ENTREP2: variants seen among roughly 807,000 people sequenced by gnomAD.
ENTREP2 encodes protein ENTREP2.
the ENTREP2 span, among the ~76,000 whole-genome samples, chr15:29,281,531 G>A: frequency 7.2e-5 from 11 of 152,192 alleles, no homozygotes; most frequent in Admixed American, 5.9e-4. Context: ...GCCTCAAGCA[G>A]GGGCAACTGT....
the ENTREP2 span, among the ~76,000 whole-genome samples, chr15:29,225,407 C>T: frequency 1.3e-5 from 2 of 152,200 alleles, no homozygotes; most frequent in African/African-American, 4.8e-5. Context: ...ATGATCCACC[C>T]GAGTCCATAT....
the ENTREP2 span, among the ~76,000 whole-genome samples, chr15:29,160,507 G>C: frequency 6.6e-6 from 1 of 151,962 alleles, no homozygotes; most frequent in Non-Finnish European, 1.5e-5. Context: ...TCAGGAGTTT[G>C]AAACCAGCCT....
chr15:29,357,277 G>A, the ENTREP2 span, among the ~76,000 whole-genome samples: 1 of 151,952 alleles, frequency 6.6e-6, no homozygotes, highest in Admixed American at 6.6e-5. Context: ...TCGAGGTAGG[G>A]AAGGATTTCT....
At chr15:29,349,089 G>A in the ENTREP2 span, among the ~76,000 whole-genome samples, 4 of 152,150 alleles carry the variant, frequency 2.6e-5, no homozygotes, top group East Asian at 5.8e-4. Context: ...CCTCTACGGC[G>A]GTGTCTTCTT....
chr15:29,527,603 T>C, the ENTREP2 span, among the ~76,000 whole-genome samples: 4 of 152,128 alleles, frequency 2.6e-5, no homozygotes, highest in Non-Finnish European at 2.9e-5. Flanking sequence ...CCTGCCTCAC[T>C]TCCTCCCCAG....
chr15:29,431,967 G>A, the ENTREP2 span, among the ~76,000 whole-genome samples: 4 of 152,244 alleles, frequency 2.6e-5, no homozygotes, highest in African/African-American at 9.6e-5. Context: ...AATGTGAACA[G>A]GCTATTTTGA....
At chr15:29,488,747 A>C in the ENTREP2 span, among the ~76,000 whole-genome samples, 1 of 152,212 alleles carries the variant, frequency 6.6e-6, no homozygotes, top group African/African-American at 2.4e-5. Flanking sequence ...AGACCAGGGG[A>C]CCAGAAGGCA....
At chr15:29,227,161 G>A in the ENTREP2 span, among the ~76,000 whole-genome samples, 1 of 152,186 alleles carries the variant, frequency 6.6e-6, no homozygotes, top group South Asian at 2.1e-4. Context: ...CCAAGAAACA[G>A]ATTTTCCAAA....
chr15:29,567,395 T>C, the ENTREP2 span, among the ~76,000 whole-genome samples: 2 of 152,240 alleles, frequency 1.3e-5, no homozygotes, highest in South Asian at 4.1e-4. Context: ...CTTGCTAAAG[T>C]GGACCCCTTT....
At chr15:29,442,200 A>G in the ENTREP2 span, among the ~76,000 whole-genome samples, 1 of 152,196 alleles carries the variant, frequency 6.6e-6, no homozygotes, top group Non-Finnish European at 1.5e-5. Context: ...CCAGGAACAG[A>G]GTATGTTCAA....
the ENTREP2 span, among the ~76,000 whole-genome samples, chr15:29,615,136 T>C: frequency 2.0e-5 from 3 of 151,408 alleles, no homozygotes; most frequent in African/African-American, 4.9e-5. Flanking sequence ...CCACCACTCC[T>C]CTTCTCTCAC....
the ENTREP2 span, among the ~76,000 whole-genome samples, chr15:29,587,767 G>C: frequency 4.6e-5 from 7 of 152,066 alleles, no homozygotes; most frequent in African/African-American, 1.7e-4. Flanking sequence ...CAAGCAATCT[G>C]CTGGCCTCAG....
the ENTREP2 span, among the ~76,000 whole-genome samples, chr15:29,621,072 T>C: frequency 6.6e-6 from 1 of 152,026 alleles, no homozygotes; most frequent in African/African-American, 2.4e-5. Context: ...GAAATGGCGC[T>C]GGCAGTAGTT....
the ENTREP2 span, among the ~76,000 whole-genome samples, chr15:29,444,568 G>A: frequency 1.3e-5 from 2 of 151,392 alleles, no homozygotes; most frequent in African/African-American, 4.9e-5. Context: ...CCAGGTTCAA[G>A]CGATTCTCCT....
the ENTREP2 span, among the ~76,000 whole-genome samples, chr15:29,191,230 AG>A: frequency 2.0e-5 from 3 of 152,332 alleles, no homozygotes; most frequent in East Asian, 5.8e-4. Context: ...CAGAGGAAGA[AG>A]TATCTATAAT....
the ENTREP2 span, among the ~76,000 whole-genome samples, chr15:29,562,341 G>C: frequency 1.3e-5 from 2 of 152,310 alleles, no homozygotes; most frequent in East Asian, 3.9e-4. Flanking sequence ...TTTATGATGA[G>C]TACATAAAGA....
At chr15:29,424,433 T>C in the ENTREP2 span, among the ~76,000 whole-genome samples, 1 of 152,152 alleles carries the variant, frequency 6.6e-6, no homozygotes, top group African/African-American at 2.4e-5. Context: ...TACAATCCTT[T>C]AGCTGGACAC....
At chr15:29,297,940 T>C in the ENTREP2 span, among the ~76,000 whole-genome samples, 1 of 152,026 alleles carries the variant, frequency 6.6e-6, no homozygotes, top group Non-Finnish European at 1.5e-5. Context: ...GTTGAAACAA[T>C]AAAAGAATCT....
chr15:29,184,677 T>C, the ENTREP2 span, among the ~76,000 whole-genome samples: 29 of 152,118 alleles, frequency 1.9e-4, no homozygotes, highest in African/African-American at 6.3e-4. Flanking sequence ...ATAAACCAGT[T>C]CCCAAAGGAT....
Sources: allele counts gnomAD v4.1 joint callset (sites outside exome capture counted in the v4.1 genomes callset), GRCh38; gene constraint gnomAD v4.1.1; transcripts MANE v1.5; gene names NCBI Gene and HGNC (gene_info 2026-07-23, HGNC 2026-07-21).